Variants in SETBP1 observed in about 807,000 individuals in gnomAD.
SETBP1 encodes the protein SET binding protein 1.
A neutral mutation model predicts 101.0 loss-of-function variants in SETBP1; 9 were observed. That is an observed-to-expected ratio of 0.09 (90% CI 0.05 to 0.16). SETBP1 has a LOEUF of 0.16. SETBP1 is among the 10% of genes least tolerant of loss of function. The probability of loss-of-function intolerance (pLI) is 1.00; values close to 1 mark genes in which losing one functional copy is unlikely to be tolerated. For synonymous variants in SETBP1, 818 were observed against 788.5 expected (o/e 1.04, Z -0.63); for missense variants, 1,858 against 2,033.8 (o/e 0.91, Z 1.66).
chr18:45,033,062 T>G (rs1055024538), intron 4 of SETBP1, among the ~76,000 whole-genome samples: 14 of 152,240 alleles, frequency 9.2e-5, no homozygotes, highest in African/African-American at 3.1e-4. Flanking sequence ...ATTACTTGAT[T>G]CACTTTATTC....
intron 2 of SETBP1, among the ~76,000 whole-genome samples, chr18:44,738,197 G>C (rs924849938): frequency 1.3e-5 from 2 of 152,158 alleles, no homozygotes; most frequent in African/African-American, 4.8e-5. Context: ...AGACTCAGAT[G>C]CTGAGGTCTC....
intron 2 of SETBP1, among the ~76,000 whole-genome samples, chr18:44,767,966 C>A (rs2070793668): frequency 6.6e-6 from 1 of 152,186 alleles, no homozygotes; most frequent in African/African-American, 2.4e-5. Flanking sequence ...CCATAGCATC[C>A]TGTGACTGCC....
At chr18:44,805,571 T>G (rs1398442999) in intron 2 of SETBP1, among the ~76,000 whole-genome samples, 2 of 152,190 alleles carry the variant, frequency 1.3e-5, no homozygotes, top group Non-Finnish European at 2.9e-5. Context: ...GACATCTCCT[T>G]TTTAACTTTG....
chr18:44,923,384 G>A (rs2070625721), intron 3 of SETBP1, among the ~76,000 whole-genome samples: 3 of 152,158 alleles, frequency 2.0e-5, no homozygotes, highest in Non-Finnish European at 4.4e-5. Context: ...CTGAAGTCAG[G>A]GAGTTTAGAC....
chr18:44,685,293 CA>C (rs1479904039), intron 1 of SETBP1, among the ~76,000 whole-genome samples: 2 of 152,216 alleles, frequency 1.3e-5, no homozygotes, highest in African/African-American at 2.4e-5. Flanking sequence ...CTTTTCCCAC[CA>C]AAAATACCCC....
chr18:44,949,869 A>G lies in SETBP1; in HGVS notation c.541-12A>G. Reference sequence around the variant, plus strand: ...CTCTGTCTCTCTCCCTCTCCACTCCACCCACCCTTAGGCTTACGAGAGGCC... The same window carrying G: ...CTCTGTCTCTCTCCCTCTCCACTCCGCCCACCCTTAGGCTTACGAGAGGCC... On this transcript the variant is annotated splice_polypyrimidine_tract_variant and intron_variant, in intron 3 of 5. Coordinates refer to ENST00000649279, the MANE Select transcript of SETBP1 (RefSeq NM_015559.3). 1 of 1,604,460 alleles carries G rather than the reference A, an allele frequency of 6.2e-7. No individual in the cohort carries two copies. Among genetic ancestry groups the G allele is most frequent in the South Asian group, 1.1e-5 (1 of 90,888 alleles).
intron 5 of SETBP1, among the ~76,000 whole-genome samples, chr18:45,060,731 C>T: frequency 6.6e-6 from 1 of 152,106 alleles, no homozygotes; most frequent in East Asian, 1.9e-4. Flanking sequence ...TATCTGCTAT[C>T]TGCTAGGTTT....
chr18:45,032,387 A>G (rs1010042070), intron 4 of SETBP1, among the ~76,000 whole-genome samples: 3 of 152,014 alleles, frequency 2.0e-5, no homozygotes, highest in Non-Finnish European at 2.9e-5. Flanking sequence ...TTGCTAGTCA[A>G]CTCTCAAATG....
intron 4 of SETBP1, among the ~76,000 whole-genome samples, chr18:44,958,339 C>A (rs1244594440): frequency 6.6e-6 from 1 of 152,198 alleles, no homozygotes; most frequent in Admixed American, 6.5e-5. Flanking sequence ...AGCCATTTCA[C>A]TTAGCCATTG....
At position 44,714,625 on chromosome 18, in the gene SETBP1, C is replaced by T. The variant is rs142588909; in HGVS notation, c.486+12793C>T. 5.6e-3 allele frequency among the ~76,000 whole-genome samples: 844 copies of T among 151,306 alleles called. 21 individuals carry two copies. Among genetic ancestry groups the T allele is most frequent in the Admixed American group, 0.039 (589 of 15,136 alleles). On this transcript the variant is annotated intron_variant, in intron 2 of 5. Transcript: ENST00000649279. ...CGGGGTGTGTGTATGTGTGTGTGTGCGCATGCACGTGTGAGCGCTCTCCTA... is the reference window on the plus strand; with the variant it reads ...CGGGGTGTGTGTATGTGTGTGTGTGTGCATGCACGTGTGAGCGCTCTCCTA...
chr18:44,690,161 G>T (rs1359526312), intron 1 of SETBP1, among the ~76,000 whole-genome samples: 1 of 152,174 alleles, frequency 6.6e-6, no homozygotes, highest in Non-Finnish European at 1.5e-5. Context: ...TTGTGATACT[G>T]GTACTTATTT....
At chr18:44,693,761 C>T (rs1005341999) in intron 1 of SETBP1, among the ~76,000 whole-genome samples, 1 of 152,168 alleles carries the variant, frequency 6.6e-6, no homozygotes, top group African/African-American at 2.4e-5. Context: ...GGATCACACT[C>T]CATCTTTTTA....
intron 2 of SETBP1, among the ~76,000 whole-genome samples, chr18:44,720,430 G>GA (rs2069561502): frequency 1.3e-5 from 2 of 152,098 alleles, no homozygotes; most frequent in Admixed American, 1.3e-4. Context: ...ATATATTTGA[G>GA]AAAAAAAGTA....
intron 2 of SETBP1, among the ~76,000 whole-genome samples, chr18:44,834,269 G>A (rs971383301): frequency 7.2e-5 from 11 of 152,176 alleles, no homozygotes; most frequent in Non-Finnish European, 1.6e-4. Context: ...TCATTCCTCA[G>A]CAAGAACATG....
chr18:45,061,928 C>T (rs2073896509), intron 5 of SETBP1, among the ~76,000 whole-genome samples: 1 of 152,192 alleles, frequency 6.6e-6, no homozygotes, highest in Non-Finnish European at 1.5e-5. Context: ...GCAAAGAACT[C>T]AGTGAAGACA....
At chr18:44,684,473 G>A (rs373025636) in intron 1 of SETBP1, among the ~76,000 whole-genome samples, 25 of 152,246 alleles carry the variant, frequency 1.6e-4, no homozygotes, top group African/African-American at 6.0e-4. Flanking sequence ...CACTGGGGCT[G>A]GAGAAGGTTT....
intron 2 of SETBP1, among the ~76,000 whole-genome samples, chr18:44,809,176 C>A (rs2071808791): frequency 1.3e-5 from 2 of 152,256 alleles, no homozygotes; most frequent in South Asian, 4.2e-4. Flanking sequence ...ATCTTTCAAA[C>A]CACAGCTTGA....
At position 45,020,258 on chromosome 18, in the gene SETBP1, T is replaced by TAAAAAAAAAAAAAA. The variant is rs57134217; in HGVS notation, c.4001-18203_4001-18190dup. Among the ~76,000 whole-genome samples the TAAAAAAAAAAAAAA allele has an allele frequency of 1.3e-4, 7 of 53,086 alleles. 1 individual carries two copies. The highest frequency in any genetic ancestry group is 2.1e-4 in the Non-Finnish European group (6 of 28,834). 34.8% of individuals were successfully genotyped at this position (53,086 alleles called of 152,430 possible). A position where few individuals can be genotyped will look rare whatever the true frequency, so the allele number is the denominator to read the frequency against. On this transcript the variant is annotated intron_variant, in intron 4 of 5. Coordinates refer to ENST00000649279, the MANE Select transcript of SETBP1 (RefSeq NM_015559.3). ...CTGGTGACAGAGCAAGACTCTGTCT[T>TAAAAAAAAAAAAAA]AAAAAAAAAAAAAAAAAAAAAAAAA...
intron 3 of SETBP1, among the ~76,000 whole-genome samples, chr18:44,873,523 G>A (rs1037072396): frequency 2.0e-5 from 3 of 152,124 alleles, no homozygotes; most frequent in Admixed American, 6.6e-5. Context: ...CCCGGCAGAG[G>A]TGGTGTTGTA....
Sources: allele counts gnomAD v4.1 joint callset (sites outside exome capture counted in the v4.1 genomes callset), GRCh38; gene constraint gnomAD v4.1.1; transcripts MANE v1.5; gene names NCBI Gene and HGNC (gene_info 2026-07-23, HGNC 2026-07-21).